PPM1L: variants seen among roughly 807,000 people sequenced by gnomAD.
PPM1L encodes the protein protein phosphatase 1L.
In PPM1L, 13 loss-of-function variants were observed where a neutral mutation model predicts 31.4. The ratio of observed to expected loss-of-function variants is 0.41; its 90% CI spans 0.27 to 0.66. PPM1L has a LOEUF of 0.66. Among genes scored for constraint, PPM1L ranks in the 30% least tolerant of loss-of-function variants. PPM1L has a pLI of 0.29. For missense variants in PPM1L, 326 were observed against 453.7 expected (o/e 0.72, Z 2.56); for synonymous variants, 184 against 175.4 (o/e 1.05, Z -0.39).
intron 1 of PPM1L, among the ~76,000 whole-genome samples, chr3:160,879,278 A>G (rs1276206251): frequency 6.6e-6 from 1 of 152,032 alleles, no homozygotes; most frequent in Non-Finnish European, 1.5e-5. Context: ...AGAACTTTTA[A>G]TTTGTTTTCA....
Position 160,756,589 on chromosome 3 carries a change from C to T in PPM1L, c.281C>T (p.Ala94Val), listed in dbSNP as rs751567609. The part of the protein sequence containing the change: ...KTWEFKNHNV[A>V]VYSIQGRRDH... The stretch of plus-strand genomic sequence containing the variant: ...TGGGAGTTCAAGAACCACAACGTGG[C>T]GGTGTACTCCATCCAGGGCCGGAGA... Residue 94 changes from alanine (A) to valine (V), a missense_variant, in exon 1 of 4, where the codon GCG becomes GTG. By Grantham distance (64) the Ala-to-Val change is moderately conservative. This residue lies in a region of PPM1L where 83 missense variants were observed against 79.4 expected (regional missense o/e 1.04). Transcript: ENST00000498165. This position sits in a 1 kb window ranked among gnomAD's most constrained non-coding sequence, Gnocchi z 6.2. 3.7e-6 allele frequency: 6 copies of T among 1,614,140 alleles called. No individual in the cohort carries two copies. The highest frequency in any genetic ancestry group is 1.7e-6 in the Non-Finnish European group (2 of 1,180,026).
intron 1 of PPM1L, among the ~76,000 whole-genome samples, chr3:160,920,635 ACACT>A (rs72061366): frequency 0.26 from 24,257 of 93,442 alleles, 2,474 homozygotes; most frequent in Non-Finnish European, 0.33. Flanking sequence ...ACACACACAC[ACACT>A]CACACACACA....
intron 2 of PPM1L, among the ~76,000 whole-genome samples, chr3:160,980,714 A>AAG (rs1553751946): frequency 1.3e-5 from 2 of 148,796 alleles, no homozygotes; most frequent in Non-Finnish European, 3.0e-5. Flanking sequence ...GAGAAAAAAA[A>AAG]AGAGAGAGAG....
At chr3:161,016,095 C>T (rs373609533) in intron 2 of PPM1L, among the ~76,000 whole-genome samples, 186 of 152,132 alleles carry the variant, frequency 1.2e-3, no homozygotes, top group African/African-American at 4.2e-3. Context: ...TGAGACACTT[C>T]GGAATTAGTT....
intron 1 of PPM1L, among the ~76,000 whole-genome samples, chr3:160,855,012 G>T (rs2108116095): frequency 6.6e-6 from 1 of 151,302 alleles, no homozygotes. Context: ...CATGGTGCTG[G>T]TTTAAAAACA....
intron 1 of PPM1L, among the ~76,000 whole-genome samples, chr3:160,807,241 G>A (rs571165688): frequency 6.6e-6 from 1 of 152,260 alleles, no homozygotes; most frequent in African/African-American, 2.4e-5. Flanking sequence ...TAGCATATGG[G>A]CATTTAAACA....
At chr3:160,922,919 T>G (rs1559888878) in intron 1 of PPM1L, among the ~76,000 whole-genome samples, 1 of 152,206 alleles carries the variant, frequency 6.6e-6, no homozygotes, top group East Asian at 1.9e-4. Context: ...TATTGAAATT[T>G]GGATAATAAA....
At chr3:160,973,495 A>G (rs1214991298) in intron 2 of PPM1L, among the ~76,000 whole-genome samples, 1 of 152,228 alleles carries the variant, frequency 6.6e-6, no homozygotes, top group Non-Finnish European at 1.5e-5. Flanking sequence ...AATTTTAATG[A>G]CATACACATT....
At chr3:160,775,642 T>C (rs1315125681) in intron 1 of PPM1L, among the ~76,000 whole-genome samples, 1 of 152,176 alleles carries the variant, frequency 6.6e-6, no homozygotes, top group Non-Finnish European at 1.5e-5. Flanking sequence ...GGGGGCTGGC[T>C]CCTCAGAGGA....
intron 1 of PPM1L, among the ~76,000 whole-genome samples, chr3:160,833,121 A>G (rs1173163852): frequency 2.6e-5 from 4 of 152,204 alleles, no homozygotes; most frequent in Non-Finnish European, 1.5e-5. Flanking sequence ...ATGGCTGCAT[A>G]GTATTCCATG....
rs537290327 is a variant in PPM1L at position 160,944,858 on chromosome 3, T to C, written c.400-16878T>C. Among the ~76,000 whole-genome samples the C allele has an allele frequency of 2.0e-4, 8 of 39,080 alleles. 1 individual carries two copies. Among genetic ancestry groups the C allele is most frequent in the African/African-American group, 7.0e-4 (8 of 11,406 alleles). The allele number at this position is 39,080 out of a possible 152,430, so 25.6% of individuals were successfully genotyped here. On this transcript the variant is annotated intron_variant, in intron 1 of 3. Transcript: ENST00000498165. ...TATATATGTTATATATAACATATAT[T>C]ATATATAATGTTATATATAACATAT... is the stretch of plus-strand genomic sequence containing the variant.
At chr3:161,049,309 C>CA (rs111321374) in intron 2 of PPM1L, among the ~76,000 whole-genome samples, 3,310 of 151,582 alleles carry the variant, frequency 0.022, 79 homozygotes, top group South Asian at 0.041. Context: ...CAAAACAAAA[C>CA]AAAAAAACCC....
chr3:161,049,020 A>G (rs1719178950), intron 2 of PPM1L, among the ~76,000 whole-genome samples: 1 of 151,500 alleles, frequency 6.6e-6, no homozygotes, highest in Admixed American at 6.6e-5. Context: ...CATGGCACAT[A>G]TATACATATG....
At chr3:160,785,075 G>A (rs927792453) in intron 1 of PPM1L, among the ~76,000 whole-genome samples, 1 of 152,136 alleles carries the variant, frequency 6.6e-6, no homozygotes, top group African/African-American at 2.4e-5. Flanking sequence ...AGTGTGTTTA[G>A]TTTTATCCAG....
At chr3:160,769,243 GGTT>G (rs1480531539) in intron 1 of PPM1L, among the ~76,000 whole-genome samples, 2 of 152,208 alleles carry the variant, frequency 1.3e-5, no homozygotes, top group African/African-American at 4.8e-5. Flanking sequence ...AAGTGGAAAT[GGTT>G]GTTGAGTGAG....
intron 1 of PPM1L, among the ~76,000 whole-genome samples, chr3:160,907,137 T>C (rs1713789943): frequency 6.6e-6 from 1 of 152,128 alleles, no homozygotes; most frequent in African/African-American, 2.4e-5. Flanking sequence ...ATATGATACA[T>C]ACTTTAAAGC....
intron 2 of PPM1L, among the ~76,000 whole-genome samples, chr3:160,976,303 A>G (rs1369376287): frequency 6.8e-6 from 1 of 146,560 alleles, no homozygotes; most frequent in African/African-American, 2.5e-5. Flanking sequence ...TTTTTGCATC[A>G]ATGTTCATCA....
chr3:160,882,421 T>G (rs928597944), intron 1 of PPM1L: 2 of 152,224 alleles, frequency 1.3e-5, no homozygotes, highest in Non-Finnish European at 2.9e-5. Flanking sequence ...ATCAAGATAG[T>G]TATTAAACTG....
intron 1 of PPM1L, among the ~76,000 whole-genome samples, chr3:160,793,813 C>G (rs1296063959): frequency 6.6e-6 from 1 of 152,138 alleles, no homozygotes; most frequent in Non-Finnish European, 1.5e-5. Context: ...AAGTTCTCCT[C>G]TAGGTTATCA....
Sources: gnomAD v4.1 joint callset for allele counts (sites outside exome capture counted in the v4.1 genomes callset) on GRCh38, gnomAD v4.1.1 for gene constraint, gnomAD v4.1.1 regional missense constraint, Gnocchi (gnomAD v3.1) non-coding constraint, MANE v1.5 for transcripts, NCBI Gene and HGNC (gene_info 2026-07-23, HGNC 2026-07-21) for gene names.